PUDP: variants seen among roughly 807,000 people sequenced by gnomAD.
PUDP encodes the protein pseudouridine-5'-phosphatase.
Under a neutral mutation model 9.4 loss-of-function variants are expected in PUDP, and 8 were observed. The ratio of observed to expected loss-of-function variants is 0.85; its 90% CI spans 0.50 to 1.53. The LOEUF is 1.53. PUDP is among the 40% of genes most tolerant of loss of function. The pLI is 0.00. For synonymous variants in PUDP, 99 were observed against 80.7 expected (o/e 1.23, Z -1.22); for missense variants, 188 against 189.7 (o/e 0.99, Z 0.05).
chrX:6,853,967 T>C (rs1602646445), intron 3 of PUDP, among the ~76,000 whole-genome samples: 2 of 111,034 alleles, frequency 1.8e-5, no homozygotes, highest in Admixed American at 1.9e-4. Flanking sequence ...TTTTGTCATG[T>C]TGCCCAAGCT....
At chrX:6,856,117 A>G (rs1335807638) in intron 3 of PUDP, among the ~76,000 whole-genome samples, 2 of 111,086 alleles carry the variant, frequency 1.8e-5, no homozygotes, top group African/African-American at 6.6e-5. Flanking sequence ...TATTGCTCTT[A>G]CGTGCATGTG....
rs765548391 is a variant in PUDP at position 6,920,147 on chromosome X, C to T, written c.*247+56986G>A. On this transcript the variant is annotated intron_variant and NMD_transcript_variant, in intron 3 of 3. Transcript: ENST00000655425. Reference sequence around the variant, plus strand: ...ACTCCACCCCCTTGCTATCAATAATCGCATCCTTTCAAGCAGTCTTCCCCT... The same window carrying T: ...ACTCCACCCCCTTGCTATCAATAATTGCATCCTTTCAAGCAGTCTTCCCCT... Among the ~76,000 whole-genome samples the T allele has an allele frequency of 9.1e-5, 10 of 109,630 alleles. No individual in the cohort carries two copies. In the East Asian group the frequency reaches 2.9e-3, roughly 32 times the overall value.
intron 1 of PUDP, among the ~76,000 whole-genome samples, chrX:7,019,076 C>T (rs978701539): frequency 5.4e-5 from 6 of 111,926 alleles, no homozygotes; most frequent in Non-Finnish European, 9.4e-5. Context: ...TCTATATAAA[C>T]AAGCACTGTA....
chrX:7,121,999 A>C (rs1159078758), intron 1 of PUDP, among the ~76,000 whole-genome samples: 2 of 111,635 alleles, frequency 1.8e-5, no homozygotes, highest in African/African-American at 6.5e-5. Flanking sequence ...CAGCCTGGAC[A>C]ATACAGCGAG....
intron 3 of PUDP, among the ~76,000 whole-genome samples, chrX:6,838,256 A>G (rs1224114628): frequency 8.9e-6 from 1 of 112,923 alleles, no homozygotes; most frequent in East Asian, 2.8e-4. Context: ...TCTTTAGAAT[A>G]TGATTTTAAA....
intron 1 of PUDP, among the ~76,000 whole-genome samples, chrX:6,714,659 A>T (rs979753225): frequency 1.8e-5 from 2 of 111,509 alleles, no homozygotes; most frequent in African/African-American, 6.5e-5. Flanking sequence ...AATGGAGATG[A>T]TTGATAGATG....
chrX:6,853,477 G>C (rs1343339119), intron 3 of PUDP, among the ~76,000 whole-genome samples: 1 of 107,867 alleles, frequency 9.3e-6, no homozygotes, highest in Non-Finnish European at 1.9e-5. Flanking sequence ...TTGGGATTAA[G>C]CTCACATAAC....
chrX:6,716,120 C>T (rs1924596576), intron 1 of PUDP, among the ~76,000 whole-genome samples: 1 of 106,002 alleles, frequency 9.4e-6, no homozygotes, highest in South Asian at 4.1e-4. Context: ...AATATGTTAG[C>T]TAAAAAAAAA....
At chrX:7,073,025 C>T (rs1930789546) in intron 3 of PUDP, among the ~76,000 whole-genome samples, 1 of 110,582 alleles carries the variant, frequency 9.0e-6, no homozygotes, top group Non-Finnish European at 1.9e-5. Context: ...ACTCGCAAGT[C>T]TCAGGACCTG....
intron 2 of PUDP, among the ~76,000 whole-genome samples, chrX:7,087,451 T>C (rs1186181643): frequency 8.9e-6 from 1 of 111,732 alleles, no homozygotes; most frequent in Non-Finnish European, 1.9e-5. Context: ...GACAGTTAAG[T>C]TTCTGCTGCT....
intron 3 of PUDP, among the ~76,000 whole-genome samples, chrX:6,848,872 T>C (rs763855260): frequency 1.8e-5 from 2 of 112,397 alleles, no homozygotes; most frequent in South Asian, 3.7e-4. Context: ...TACAGAACCA[T>C]GAGCCAATTA....
At chrX:7,066,231 G>A (rs1016924940) in intron 3 of PUDP, among the ~76,000 whole-genome samples, 25 of 111,529 alleles carry the variant, frequency 2.2e-4, no homozygotes, top group African/African-American at 7.8e-4. Context: ...CCCCGAGTAG[G>A]GTAGTGGCAT....
chrX:6,916,191 TACACACACACACAC>T (rs747162229), intron 3 of PUDP, among the ~76,000 whole-genome samples: 11,639 of 69,695 alleles, frequency 0.17, 910 homozygotes, highest in Admixed American at 0.29. Context: ...ATGCTTTTTC[TACACACACACACAC>T]ACACACACAC....
intron 3 of PUDP, among the ~76,000 whole-genome samples, chrX:6,894,065 G>A (rs961452283): frequency 5.4e-5 from 6 of 111,054 alleles, no homozygotes; most frequent in African/African-American, 1.3e-4. Flanking sequence ...ACATGGACAC[G>A]TGGAGGGGAA....
chrX:6,827,508 A>G (rs1328380930), intron 3 of PUDP, among the ~76,000 whole-genome samples: 2 of 111,572 alleles, frequency 1.8e-5, no homozygotes, highest in Non-Finnish European at 3.8e-5. Flanking sequence ...TGCCCTATAG[A>G]GAGGTTATTT....
chrX:6,977,920 C>G (rs992279525), intron 2 of PUDP, among the ~76,000 whole-genome samples: 1 of 112,294 alleles, frequency 8.9e-6, no homozygotes, highest in African/African-American at 3.2e-5. Flanking sequence ...CATGAAACCT[C>G]TTTGGGTTCC....
chrX:6,807,961 G>A (rs989771816), intron 3 of PUDP, among the ~76,000 whole-genome samples: 1 of 111,882 alleles, frequency 8.9e-6, no homozygotes, highest in Non-Finnish European at 1.9e-5. Flanking sequence ...TTCATGGAGT[G>A]AATAGCCAAA....
chrX:7,074,738 A>G (rs1446630942), intron 3 of PUDP, among the ~76,000 whole-genome samples: 2 of 112,216 alleles, frequency 1.8e-5, no homozygotes, highest in African/African-American at 6.5e-5. Flanking sequence ...GGAAATTCTA[A>G]GGAAAAATGA....
At chrX:6,993,859 T>C (rs1929217506) in intron 1 of PUDP, among the ~76,000 whole-genome samples, 1 of 111,861 alleles carries the variant, frequency 8.9e-6, no homozygotes, top group Non-Finnish European at 1.9e-5. Context: ...GCTAGAGGAA[T>C]CAATCTTCAT....
Sources: gnomAD v4.1 joint callset for allele counts (sites outside exome capture counted in the v4.1 genomes callset) on GRCh38, gnomAD v4.1.1 for gene constraint, MANE v1.5 for transcripts, NCBI Gene and HGNC (gene_info 2026-07-23, HGNC 2026-07-21) for gene names.